The following BANP variants were observed in gnomAD, a reference collection of about 807,000 sequenced individuals.
BANP encodes protein BANP.
In BANP, 11 loss-of-function variants were observed where a neutral mutation model predicts 68.1. The observed-to-expected ratio is 0.16, with a 90% confidence interval of 0.10 to 0.27. The LOEUF (loss-of-function observed/expected upper bound fraction) is 0.27, where lower values mean the gene tolerates loss of function less well. Among genes scored for constraint, BANP ranks in the 10% least tolerant of loss-of-function variants. The pLI, the probability that BANP is intolerant of heterozygous loss-of-function variation, is 1.00. For synonymous variants in BANP, 329 were observed against 303.2 expected, an observed-to-expected ratio of 1.09 and a Z score of -0.88; for missense variants, 504 against 722.7, an observed-to-expected ratio of 0.70 and a Z score of 3.47.
chr16:88,020,033 C>T (rs1366887026), intron 7 of BANP, among the ~76,000 whole-genome samples: 4 of 152,220 alleles, frequency 2.6e-5, no homozygotes, highest in Non-Finnish European at 5.9e-5. Flanking sequence ...GGGCGCCCAT[C>T]CTGGACCCTG....
rs144836108 is a variant in BANP at position 87,991,459 on chromosome 16, C to T, written c.362+7200C>T. ...TAACTCAGAACTCATTGATTGGCAT[C>T]GTATTGAATCTGTAGATCAATTTGG... On this transcript the variant is annotated intron_variant, in intron 4 of 13. Coordinates refer to ENST00000682872, the MANE Select transcript of BANP (RefSeq NM_001386991.1). Among the ~76,000 whole-genome samples the T allele has an allele frequency of 7.1e-3, 1,081 of 152,322 alleles. 8 individuals are homozygous for T. Among genetic ancestry groups the T allele is most frequent in the South Asian group, 0.034 (162 of 4,826 alleles).
At chr16:88,048,761 G>A (rs965282126) in intron 11 of BANP, among the ~76,000 whole-genome samples, 13 of 151,724 alleles carry the variant, frequency 8.6e-5, no homozygotes, top group Non-Finnish European at 1.8e-4. Flanking sequence ...ATTAAAGAAA[G>A]GAGGTGGATT....
intron 6 of BANP, among the ~76,000 whole-genome samples, chr16:88,013,625 A>C (rs6540144): frequency 0.99 from 150,702 of 152,352 alleles, 74,545 homozygotes; most frequent in South Asian, 1. Context: ...GCTCAGCAGG[A>C]CTTTGTGCTT....
At chr16:88,006,348 T>G in intron 6 of BANP, 83 bp downstream of exon 6, 1 of 1,489,674 alleles carries the variant, frequency 6.7e-7, no homozygotes, top group South Asian at 1.3e-5. Context: ...TGTTGTTTTT[T>G]AAAGAAGTGA....
In BANP at chr16:88,037,987, C is replaced by A; in HGVS notation, c.1287C>A (p.Ile429=). Reference sequence around the variant, plus strand: ...GTTCTTTGTAGGGCAACCTCCAGATCCATCACGTGGGGCAGGACGGTCAGG... The same window carrying A: ...GTTCTTTGTAGGGCAACCTCCAGATACATCACGTGGGGCAGGACGGTCAGG... ...ITQDSEGNLQ[I]HHVGQDGQLL... The change falls in exon 11 of 14, where the codon ATC becomes ATA. Residue 429 remains isoleucine (I), a synonymous_variant. Coordinates refer to ENST00000682872, the MANE Select transcript of BANP (RefSeq NM_001386991.1). 6.2e-7 allele frequency: 1 copy of A among 1,613,916 alleles called. No individual in the cohort carries two copies. Among genetic ancestry groups the A allele is most frequent in the South Asian group, 1.1e-5 (1 of 91,074 alleles).
chr16:88,066,731 A>G (rs1441522567), intron 12 of BANP, among the ~76,000 whole-genome samples: 5 of 152,224 alleles, frequency 3.3e-5, no homozygotes, highest in Non-Finnish European at 5.9e-5. Flanking sequence ...CATTTTGTTC[A>G]GTTTTTTTTT....
intron 4 of BANP, among the ~76,000 whole-genome samples, chr16:87,997,378 A>C (rs1386116851): frequency 6.6e-6 from 1 of 152,282 alleles, no homozygotes; most frequent in African/African-American, 2.4e-5. Context: ...CAAGTGACTA[A>C]AAGCATGAGA....
chr16:88,006,291 C>G (rs1331075545), intron 6 of BANP, 26 bp downstream of exon 6: 2 of 1,561,742 alleles, frequency 1.3e-6, no homozygotes, highest in Admixed American at 3.7e-5. Flanking sequence ...CTTTCCTCGG[C>G]CAGAGCGCCA....
intron 11 of BANP, among the ~76,000 whole-genome samples, chr16:88,047,260 C>T (rs2082245315): frequency 6.6e-6 from 1 of 151,970 alleles, no homozygotes. Context: ...GGGAAGGGCC[C>T]AAAGTAAGAT....
In BANP at chr16:88,025,061, G is replaced by C. The variant is rs191149810; in HGVS notation, c.896-2422G>C. On this transcript the variant is annotated intron_variant, in intron 7 of 13. Coordinates refer to ENST00000682872, the MANE Select transcript of BANP (RefSeq NM_001386991.1). ...GTGTGAAGGTGGGAGGGTCACAGGA[G>C]GGCGGTTCTGAGGATGTTTCTTTTT... Among the ~76,000 whole-genome samples, 142 of 152,280 alleles carry C rather than the reference G, an allele frequency of 9.3e-4. 1 individual carries two copies. Among genetic ancestry groups the C allele is most frequent in the African/African-American group, 3.4e-3 (140 of 41,548 alleles).
chr16:88,044,627 T>C (rs933294021), intron 11 of BANP, among the ~76,000 whole-genome samples: 1 of 152,232 alleles, frequency 6.6e-6, no homozygotes, highest in Non-Finnish European at 1.5e-5. Context: ...AAGTTGTAAT[T>C]GAGTAGCTGG....
intron 1 of BANP, among the ~76,000 whole-genome samples, chr16:87,956,091 C>T (rs1020383676): frequency 6.6e-6 from 1 of 152,082 alleles, no homozygotes; most frequent in Non-Finnish European, 1.5e-5. Context: ...TTGCAGCTCC[C>T]CCGTCAGGAT....
intron 4 of BANP, among the ~76,000 whole-genome samples, chr16:87,993,292 C>G (rs908649707): frequency 6.6e-6 from 1 of 152,168 alleles, no homozygotes; most frequent in African/African-American, 2.4e-5. Flanking sequence ...TGCCCATCAC[C>G]CAGTTAAGGA....
In BANP at chr16:88,006,436, C is replaced by A. The variant is rs1007101953; in HGVS notation, c.655+171C>A. ...CTGAGGCGGGCGGATCACCTGAAGTCGGGAGTTCGAGACCAGCCTGGCCAA... is the reference window on the plus strand; with the variant it reads ...CTGAGGCGGGCGGATCACCTGAAGTAGGGAGTTCGAGACCAGCCTGGCCAA... On this transcript the variant is annotated intron_variant, in intron 6 of 13. Transcript: ENST00000682872. 2.7e-5 allele frequency among the ~76,000 whole-genome samples: 4 copies of A among 147,902 alleles called. No individual in the cohort carries two copies. The South Asian group carries it at 8.6e-4, about 32-fold the overall frequency.
chr16:87,958,019 A>G (rs1178912207), intron 1 of BANP, among the ~76,000 whole-genome samples: 2 of 152,020 alleles, frequency 1.3e-5, no homozygotes, highest in East Asian at 3.9e-4. Context: ...TTCACACCCT[A>G]AGTGTTTTTA....
At chr16:87,959,039 C>T (rs1363906003) in intron 1 of BANP, among the ~76,000 whole-genome samples, 5 of 152,214 alleles carry the variant, frequency 3.3e-5, no homozygotes, top group Admixed American at 6.5e-5. Flanking sequence ...GTGGTGACAC[C>T]GTGCATGCCC....
chr16:88,033,610 G>A (rs1233246165), intron 9 of BANP, among the ~76,000 whole-genome samples: 2 of 152,224 alleles, frequency 1.3e-5, no homozygotes, highest in Non-Finnish European at 2.9e-5. Flanking sequence ...GTTCAGAAGT[G>A]CAGGCGCTCT....
chr16:88,010,626 G>A (rs186431390), intron 6 of BANP, among the ~76,000 whole-genome samples: 18 of 152,368 alleles, frequency 1.2e-4, no homozygotes, highest in East Asian at 1.2e-3. Context: ...ACTGCTGTGC[G>A]GATTTACAGA....
intron 1 of BANP, among the ~76,000 whole-genome samples, chr16:87,953,192 TAAAA>T (rs59705558): frequency 2.7e-5 from 4 of 147,760 alleles, no homozygotes; most frequent in African/African-American, 7.5e-5. Flanking sequence ...CCTATGTTCT[TAAAA>T]AAAAAAGCCC....
Sources: allele counts gnomAD v4.1 joint callset (sites outside exome capture counted in the v4.1 genomes callset), GRCh38; gene constraint gnomAD v4.1.1; transcripts MANE v1.5; gene names NCBI Gene and HGNC (gene_info 2026-07-23, HGNC 2026-07-21).